GRIP1: variants seen among roughly 807,000 people sequenced by gnomAD.
GRIP1 encodes the protein glutamate receptor-interacting protein 1.
Under a neutral mutation model 129.9 loss-of-function variants are expected in GRIP1, and 45 were observed. The ratio of observed to expected loss-of-function variants is 0.35; its 90% CI spans 0.27 to 0.44. The LOEUF (loss-of-function observed/expected upper bound fraction) is 0.44. GRIP1 is among the 20% of genes least tolerant of loss of function. GRIP1 has a pLI of 1.00. For missense variants in GRIP1, 1,196 were observed against 1,396.8 expected (o/e 0.86, Z 2.29); for synonymous variants, 530 against 520.8 (o/e 1.02, Z -0.24).
chr12:66,466,118 CCTT>C (rs924726365), intron 7 of GRIP1, among the ~76,000 whole-genome samples: 2 of 152,206 alleles, frequency 1.3e-5, no homozygotes, highest in African/African-American at 2.4e-5. Context: ...TCCTTCAACT[CCTT>C]CTAACATTTG....
chr12:66,910,570 C>T (rs1038336512), intron 1 of GRIP1, among the ~76,000 whole-genome samples: 4 of 151,972 alleles, frequency 2.6e-5, no homozygotes, highest in Non-Finnish European at 5.9e-5. Flanking sequence ...AGTTGGGTCT[C>T]GGTGTGAACA....
chr12:67,054,776 A>C (rs1404442558), intron 1 of GRIP1, among the ~76,000 whole-genome samples: 1 of 151,980 alleles, frequency 6.6e-6, no homozygotes, highest in Non-Finnish European at 1.5e-5. Flanking sequence ...AAAAAAAAAA[A>C]AGTCAAACCC....
intron 1 of GRIP1, among the ~76,000 whole-genome samples, chr12:66,940,231 A>G (rs2041562418): frequency 6.6e-6 from 1 of 152,188 alleles, no homozygotes; most frequent in Non-Finnish European, 1.5e-5. Context: ...GATACACATC[A>G]CACTCCTATT....
chr12:67,027,803 G>C (rs991336418), intron 1 of GRIP1, among the ~76,000 whole-genome samples: 1 of 152,188 alleles, frequency 6.6e-6, no homozygotes, highest in Non-Finnish European at 1.5e-5. Context: ...AGAGTCTGGC[G>C]AGATGGAGGG....
intron 1 of GRIP1, among the ~76,000 whole-genome samples, chr12:66,870,158 C>T (rs1455872067): frequency 2.0e-5 from 3 of 152,056 alleles, no homozygotes; most frequent in Non-Finnish European, 4.4e-5. Flanking sequence ...GATCAGCAGA[C>T]TCTGCAGCAG....
intron 7 of GRIP1, among the ~76,000 whole-genome samples, chr12:66,492,511 A>G (rs1371656498): frequency 6.6e-6 from 1 of 152,226 alleles, no homozygotes; most frequent in East Asian, 1.9e-4. Context: ...ACTGAGAGGC[A>G]CCAGCTGAGA....
At chr12:66,565,873 T>C (rs890268360) in intron 2 of GRIP1, among the ~76,000 whole-genome samples, 2 of 152,238 alleles carry the variant, frequency 1.3e-5, no homozygotes, top group East Asian at 1.9e-4. Context: ...AGGTATTTTA[T>C]TCTCTTTGAA....
At chr12:66,968,442 C>A (rs2042027442) in intron 1 of GRIP1, among the ~76,000 whole-genome samples, 1 of 151,788 alleles carries the variant, frequency 6.6e-6, no homozygotes, top group African/African-American at 2.4e-5. Flanking sequence ...TTAATTCTCC[C>A]CTCTTGTTCT....
intron 1 of GRIP1, among the ~76,000 whole-genome samples, chr12:67,023,333 A>C (rs1286496500): frequency 6.6e-6 from 1 of 152,236 alleles, no homozygotes; most frequent in Non-Finnish European, 1.5e-5. Context: ...ATGGAAGCAC[A>C]TACTTTCCAT....
chr12:66,902,087 T>C (rs1384847465), intron 1 of GRIP1, among the ~76,000 whole-genome samples: 1 of 152,152 alleles, frequency 6.6e-6, no homozygotes, highest in East Asian at 1.9e-4. Context: ...ATTAATATTT[T>C]TCACATGCAA....
rs552343628 is a variant in GRIP1 at position 66,981,145 on chromosome 12, G to A, written c.58+87905C>T. Reference sequence around the variant, plus strand: ...CAATGTCAGCAAGTCTCTTTCAAGAGCTTAATGTGCATAATCTCTAATCAG... The same window carrying A: ...CAATGTCAGCAAGTCTCTTTCAAGAACTTAATGTGCATAATCTCTAATCAG... On this transcript the variant is annotated intron_variant, in intron 1 of 1. Coordinates refer to the GRIP1 transcript ENST00000643019. Among the ~76,000 whole-genome samples, 20 of 152,324 alleles carry A rather than the reference G, an allele frequency of 1.3e-4. No individual in the cohort carries two copies. In the South Asian group the frequency reaches 3.9e-3, roughly 30 times the overall value.
intron 1 of GRIP1, among the ~76,000 whole-genome samples, chr12:66,915,982 C>A (rs7966608): frequency 0.042 from 6,343 of 152,218 alleles, 287 homozygotes; most frequent in African/African-American, 0.11. Flanking sequence ...CTGGCTGGTC[C>A]TTGAGAAGGG....
At chr12:66,839,840 T>A (rs192274181) in intron 1 of GRIP1, among the ~76,000 whole-genome samples, 85 of 152,358 alleles carry the variant, frequency 5.6e-4, no homozygotes, top group African/African-American at 1.9e-3. Flanking sequence ...GCGCTTCAGA[T>A]TAACAGAGAG....
intron 1 of GRIP1, among the ~76,000 whole-genome samples, chr12:66,843,353 G>C (rs1165208210): frequency 1.3e-5 from 2 of 152,054 alleles, no homozygotes; most frequent in African/African-American, 2.4e-5. Context: ...GAATGAAATT[G>C]AATGTGAGGG....
intron 1 of GRIP1, among the ~76,000 whole-genome samples, chr12:66,917,133 T>TC (rs1443388555): frequency 2.0e-5 from 3 of 152,212 alleles, no homozygotes; most frequent in African/African-American, 7.2e-5. Flanking sequence ...TAAAATTGCA[T>TC]CCCATGTATT....
rs566291822 is a variant in GRIP1, at chr12:66,549,119, CA to C, written c.137-7170del. 2.0e-4 allele frequency among the ~76,000 whole-genome samples: 30 copies of C among 152,212 alleles called. No individual in the cohort carries two copies. In the East Asian group the frequency reaches 5.6e-3, roughly 28 times the overall value. On this transcript the variant is annotated intron_variant, in intron 2 of 24. Coordinates refer to ENST00000359742, the MANE Select transcript of GRIP1 (RefSeq NM_001366722.1). ...ACAAATTTTGAAATGCTGGTGTCAACAAGAGTGTTTTTTCCCTGCTGTATCT... is the reference window on the plus strand; with the variant it reads ...ACAAATTTTGAAATGCTGGTGTCAACAGAGTGTTTTTTCCCTGCTGTATCT...
chr12:66,815,007 G>A (rs1196763795), intron 1 of GRIP1, among the ~76,000 whole-genome samples: 2 of 152,020 alleles, frequency 1.3e-5, no homozygotes, highest in African/African-American at 4.8e-5. Context: ...TGACAAATAG[G>A]GATTATAGGG....
chr12:66,820,129 G>A (rs944029685), intron 1 of GRIP1, among the ~76,000 whole-genome samples: 9 of 152,104 alleles, frequency 5.9e-5, no homozygotes, highest in African/African-American at 2.2e-4. Flanking sequence ...AAATACGCTG[G>A]GCTGGGCACG....
chr12:66,650,227 C>T lies in GRIP1; in HGVS notation c.55+28623G>A, dbSNP rs554779799. ...TTTAAGCCACTGATAGAAGAATACT[C>T]TTAAAAGTATTCTTAAAAGATCTTA... On this transcript the variant is annotated intron_variant, in intron 1 of 24. Coordinates refer to ENST00000359742, the MANE Select transcript of GRIP1 (RefSeq NM_001366722.1). 4.7e-4 allele frequency among the ~76,000 whole-genome samples: 71 copies of T among 152,082 alleles called. 1 individual carries two copies. The highest frequency in any genetic ancestry group is 1.6e-3 in the African/African-American group (68 of 41,528).
Sources: gnomAD v4.1 joint callset for allele counts (sites outside exome capture counted in the v4.1 genomes callset) on GRCh38, gnomAD v4.1.1 for gene constraint, MANE v1.5 for transcripts, NCBI Gene and HGNC (gene_info 2026-07-23, HGNC 2026-07-21) for gene names.